Variants in DNAJC18 observed in about 807,000 individuals in gnomAD.
DNAJC18 encodes the protein dnaJ homolog subfamily C member 18.
Under a neutral mutation model 48.6 loss-of-function variants are expected in DNAJC18, and 40 were observed. The ratio of observed to expected loss-of-function variants is 0.82; its 90% confidence interval spans 0.64 to 1.07. DNAJC18 has a LOEUF of 1.07. DNAJC18 is among the 50% of genes least tolerant of loss of function. The pLI, the probability that DNAJC18 is intolerant of heterozygous loss-of-function variation, is 0.00. For synonymous variants in DNAJC18, 135 were observed against 152.2 expected, an observed-to-expected ratio of 0.89 and a Z score of 0.83; for missense variants, 340 against 427.7, an observed-to-expected ratio of 0.79 and a Z score of 1.81.
intron 4 of DNAJC18, 127 bp downstream of exon 4, chr5:139,426,045 C>T: frequency 9.2e-7 from 1 of 1,092,782 alleles, no homozygotes; most frequent in Non-Finnish European, 1.3e-6. Flanking sequence ...AACTCCTGCT[C>T]AACTGATTCT....
Position 139,437,549 on chromosome 5 carries a change from T to C in DNAJC18, c.50A>G (p.Asp17Gly). The C allele has an allele frequency of 1.9e-6, 3 of 1,611,698 alleles. No individual in the cohort carries two copies. The highest frequency in any genetic ancestry group is 2.5e-6 in the Non-Finnish European group (3 of 1,179,268). Residue 17 changes from aspartate to glycine, a missense_variant, in exon 2 of 8, where the codon GAC (aspartate) becomes GGC (glycine). By Grantham distance (94) the Asp-to-Gly change is moderately conservative. Transcript: ENST00000302060. ...SGERWTEAYIDAVRRNKYPED... is the reference protein window; with the variant it reads ...SGERWTEAYIGAVRRNKYPED... ...TGGGTATTTGTTTCTTCTAACTGCG[T>C]CAATGTAAGCTGCAAACAACAGCCC...
At chr5:139,414,918 G>A (rs749101532) in intron 7 of DNAJC18, among the ~76,000 whole-genome samples, 1 of 152,228 alleles carries the variant, frequency 6.6e-6, no homozygotes, top group African/African-American at 2.4e-5. Flanking sequence ...GGTGGAGAAG[G>A]TCATTCTATT....
chr5:139,422,664 C>T, intron 6 of DNAJC18, 44 bp downstream of exon 6: 1 of 1,428,114 alleles, frequency 7.0e-7, no homozygotes, highest in Non-Finnish European at 9.7e-7. Flanking sequence ...AAGTCTTTCA[C>T]CCCCAGACTG....
At chr5:139,431,855 C>T (rs1384845174) in intron 2 of DNAJC18, among the ~76,000 whole-genome samples, 3 of 152,212 alleles carry the variant, frequency 2.0e-5, no homozygotes, top group Admixed American at 2.0e-4. Context: ...AAACACTTAT[C>T]ATCCACCTTT....
At position 139,414,020 on chromosome 5, in the gene DNAJC18, G is replaced by T; in HGVS notation, c.*128C>A. 2 of 1,396,658 alleles carry T rather than the reference G, an allele frequency of 1.4e-6. No homozygotes were observed. Among genetic ancestry groups the T allele is most frequent in the Non-Finnish European group, 9.5e-7 (1 of 1,052,516 alleles). The allele number at this position is 1,396,658 out of a possible 1,614,324, so 86.5% of individuals were successfully genotyped here. A position where few individuals can be genotyped will look rare whatever the true frequency, so the allele number is the denominator to read the frequency against. ...CTCGTGCCCATGCTCCTGCCACTCTGCCCAACCAACGAAGTTAGCAAATAG... is the reference window on the plus strand; with the variant it reads ...CTCGTGCCCATGCTCCTGCCACTCTTCCCAACCAACGAAGTTAGCAAATAG... On this transcript the variant is annotated 3_prime_UTR_variant, in exon 8 of 8. Transcript: ENST00000302060.
chr5:139,437,968 G>A (rs1205775440), intron 1 of DNAJC18, among the ~76,000 whole-genome samples: 2 of 152,200 alleles, frequency 1.3e-5, no homozygotes, highest in African/African-American at 2.4e-5. Context: ...CGGCCCACAG[G>A]TGGCATGTGG....
At chr5:139,435,382 A>G (rs1750620907) in intron 2 of DNAJC18, among the ~76,000 whole-genome samples, 2 of 152,094 alleles carry the variant, frequency 1.3e-5, no homozygotes, top group Admixed American at 1.3e-4. Context: ...ATTTTGTTAA[A>G]TGCTTTTTCT....
At chr5:139,431,124 C>T (rs1417048956) in intron 2 of DNAJC18, among the ~76,000 whole-genome samples, 2 of 152,140 alleles carry the variant, frequency 1.3e-5, no homozygotes, top group African/African-American at 4.8e-5. Flanking sequence ...GAATCCCCAG[C>T]CCAGTTTCCA....
rs768620963 is a variant in DNAJC18 at position 139,437,561 on chromosome 5, G to A, written c.41-3C>T. 1.2e-6 allele frequency: 2 copies of A among 1,607,988 alleles called. No homozygotes were observed. Among genetic ancestry groups the A allele is most frequent in the South Asian group, 2.2e-5 (2 of 90,122 alleles). On this transcript the variant is annotated splice_polypyrimidine_tract_variant and splice_region_variant and intron_variant, in intron 1 of 7. Coordinates refer to ENST00000302060, the MANE Select transcript of DNAJC18 (RefSeq NM_152686.4). ...TCTTCTAACTGCGTCAATGTAAGCT[G>A]CAAACAACAGCCCCTCCATTAGGTC...
rs1225125771 is a variant in DNAJC18 at position 139,410,888 on chromosome 5, C to T, written c.*3260G>A. 6.6e-6 allele frequency: 1 copy of T among 152,042 alleles called. No homozygotes were observed. The highest frequency in any genetic ancestry group is 1.5e-5 in the Non-Finnish European group (1 of 68,068). The allele number at this position is 152,042 out of a possible 1,614,324, so 9.4% of individuals were successfully genotyped here. On this transcript the variant is annotated 3_prime_UTR_variant, in exon 8 of 8. Coordinates refer to ENST00000302060, the MANE Select transcript of DNAJC18 (RefSeq NM_152686.4). ...GGCTCAAGAGATTCTTCTGCCTCAG[C>T]CTCCTGAGGAGCTGGGATTACAGAC...
intron 2 of DNAJC18, among the ~76,000 whole-genome samples, chr5:139,433,420 G>C (rs956563109): frequency 8.6e-5 from 13 of 151,128 alleles, no homozygotes; most frequent in Non-Finnish European, 2.9e-5. Flanking sequence ...CTCCGGCTTG[G>C]GCGACAAGAG....
chr5:139,437,700 T>A, intron 1 of DNAJC18, 142 bp from the exon 2 acceptor site: 1 of 869,254 alleles, frequency 1.2e-6, no homozygotes, highest in Non-Finnish European at 1.7e-6. Flanking sequence ...TGCTGACTTT[T>A]AAGCACTCAT....
intron 6 of DNAJC18, 192 bp from the exon 7 acceptor site, chr5:139,420,417 A>T: frequency 1.8e-6 from 1 of 562,792 alleles, no homozygotes. Context: ...GTATTATGTA[A>T]GCAAGTTCAT....
chr5:139,438,855 A>G (rs899834243), intron 1 of DNAJC18, among the ~76,000 whole-genome samples: 1 of 152,072 alleles, frequency 6.6e-6, no homozygotes, highest in Non-Finnish European at 1.5e-5. Context: ...TCAGTCGTCA[A>G]ACTCTCTCAG....
intron 2 of DNAJC18, among the ~76,000 whole-genome samples, chr5:139,433,700 C>T (rs1429535099): frequency 6.6e-6 from 1 of 152,138 alleles, no homozygotes; most frequent in Non-Finnish European, 1.5e-5. Flanking sequence ...TTCTCAAATG[C>T]AAATGGTACC....
intron 2 of DNAJC18, among the ~76,000 whole-genome samples, chr5:139,432,234 G>A (rs964936305): frequency 3.3e-5 from 5 of 150,478 alleles, no homozygotes; most frequent in African/African-American, 4.9e-5. Context: ...GCATGTTTTC[G>A]ACTCACTGCA....
intron 2 of DNAJC18, among the ~76,000 whole-genome samples, chr5:139,436,781 T>A (rs1750671205): frequency 6.6e-6 from 1 of 152,102 alleles, no homozygotes; most frequent in Non-Finnish European, 1.5e-5. Context: ...TTTAAAAAAA[T>A]AAGCATTTAG....
intron 2 of DNAJC18, among the ~76,000 whole-genome samples, chr5:139,434,381 T>C (rs1750594317): frequency 6.6e-6 from 1 of 152,182 alleles, no homozygotes; most frequent in African/African-American, 2.4e-5. Context: ...TGGATTGCAG[T>C]AGGGTGATCA....
In DNAJC18 at chr5:139,437,533, G is replaced by C. The variant is rs756711867; in HGVS notation, c.66C>G (p.Asn22Lys). The C allele has an allele frequency of 3.1e-6, 5 of 1,612,964 alleles. No individual in the cohort carries two copies. The East Asian group carries it at 1.1e-4, about 36-fold the overall frequency. The change falls in exon 2 of 8, where the codon AAC becomes AAG. Residue 22 changes from asparagine (N) to lysine (K), a missense_variant. Asn to Lys is a moderately conservative substitution (Grantham distance 94). Coordinates refer to ENST00000302060, the MANE Select transcript of DNAJC18 (RefSeq NM_152686.4). ...CAGGAGGTGTGTCTTCTGGGTATTTGTTTCTTCTAACTGCGTCAATGTAAG... is the reference window on the plus strand; with the variant it reads ...CAGGAGGTGTGTCTTCTGGGTATTTCTTTCTTCTAACTGCGTCAATGTAAG... ...TEAYIDAVRR[N>K]KYPEDTPPES... is the part of the protein sequence containing the mutation.
Sources: gnomAD v4.1 joint callset for allele counts (sites outside exome capture counted in the v4.1 genomes callset) on GRCh38, gnomAD v4.1.1 for gene constraint, MANE v1.5 for transcripts, NCBI Gene and HGNC (gene_info 2026-07-23, HGNC 2026-07-21) for gene names.